ZNF573: variants seen among roughly 807,000 people sequenced by gnomAD.
The protein encoded by ZNF573 is zinc finger protein 573.
ZNF573 carries 41 observed loss-of-function variants against 57.4 expected under a neutral mutation model. That is an observed-to-expected ratio of 0.71 (90% CI 0.56 to 0.93). The LOEUF is 0.93. ZNF573 is among the 40% of genes least tolerant of loss of function. The pLI is 0.00. For synonymous variants in ZNF573, 249 were observed against 261.0 expected (o/e 0.95, Z 0.44); for missense variants, 730 against 794.8 (o/e 0.92, Z 0.98).
intron 4 of ZNF573, among the ~76,000 whole-genome samples, chr19:37,767,366 C>CT (rs2045611586): frequency 6.6e-6 from 1 of 152,060 alleles, no homozygotes. Flanking sequence ...GTAGCTGGGA[C>CT]TACAGGCGCC....
At position 37,774,126 on chromosome 19, in the gene ZNF573, C is replaced by CTT. The variant is rs539456711; in HGVS notation, c.-22-377_-22-376dup. On this transcript the variant is annotated intron_variant, in intron 1 of 4. Coordinates refer to ENST00000536220, the MANE Select transcript of ZNF573 (RefSeq NM_001172690.2). ...GACTTATCGTTCAAACTAGAAGCTT[C>CTT]TTTTTTTTTTTTTTTTTTTTTTTTT... 6.2e-3 allele frequency among the ~76,000 whole-genome samples: 546 copies of CTT among 87,774 alleles called. 74 individuals carry two copies. The highest frequency in any genetic ancestry group is 0.031 in the Middle Eastern group (5 of 162). 57.6% of individuals were successfully genotyped at this position (87,774 alleles called of 152,430 possible).
At position 37,739,016 on chromosome 19, in the gene ZNF573, G is replaced by C; in HGVS notation, c.1474C>G (p.His492Asp). The change falls in exon 5 of 5, where the codon CAT becomes GAT. Residue 492 changes from histidine to aspartate, a missense_variant. Physicochemically the swap from His to Asp is moderately conservative, Grantham distance 81. Coordinates refer to ENST00000536220, the MANE Select transcript of ZNF573 (RefSeq NM_001172690.2). ...GSNLIQHRKT[H>D]TGEKPYKCKE... ...CATTTATAGGGTTTCTCACCAGTAT[G>C]AGTTTTCCGATGTTGAATAAGGTTT... 6.2e-7 allele frequency: 1 copy of C among 1,613,474 alleles called. No individual in the cohort carries two copies.
At chr19:37,771,486 A>G in intron 3 of ZNF573, 78 bp downstream of exon 3, 1 of 1,495,854 alleles carries the variant, frequency 6.7e-7, no homozygotes, top group Non-Finnish European at 9.1e-7. Flanking sequence ...GTCTTGAAAT[A>G]TGGCCTTGAA....
chr19:37,758,910 A>G (rs529274261), intron 4 of ZNF573: 1 of 222,696 alleles, frequency 4.5e-6, no homozygotes, highest in East Asian at 1.8e-4. Flanking sequence ...AAAGTACCAG[A>G]ATAATGAAGA....
chr19:37,772,412 C>A (rs571832025), intron 2 of ZNF573, among the ~76,000 whole-genome samples: 2 of 151,322 alleles, frequency 1.3e-5, no homozygotes, highest in African/African-American at 2.4e-5. Context: ...GGATTACAGG[C>A]GTGAGCCACT....
At chr19:37,761,348 G>A (rs1047146394) in intron 4 of ZNF573, among the ~76,000 whole-genome samples, 3 of 152,106 alleles carry the variant, frequency 2.0e-5, no homozygotes, top group Non-Finnish European at 4.4e-5. Flanking sequence ...AATGAAGTCC[G>A]CAAAGCATCC....
At position 37,739,421 on chromosome 19, in the gene ZNF573, G is replaced by T; in HGVS notation, c.1069C>A (p.Pro357Thr). ...TTCTTACACTCCTTACATTCATAGG[G>T]TTTTCCACCTTTATGAATTCTCTGA... Reference protein sequence around the residue: ...LHQRIHKGGKPYECKECKKTF... With the variant: ...LHQRIHKGGKTYECKECKKTF... The change falls in exon 5 of 5, where the codon CCC becomes ACC. Residue 357 changes from proline to threonine, a missense_variant. Transcript: ENST00000536220. The T allele has an allele frequency of 6.2e-7, 1 of 1,614,036 alleles. No homozygotes were observed. Among genetic ancestry groups the T allele is most frequent in the South Asian group, 1.1e-5 (1 of 91,064 alleles).
chr19:37,772,133 T>G (rs1461411958), intron 2 of ZNF573, among the ~76,000 whole-genome samples: 1 of 152,152 alleles, frequency 6.6e-6, no homozygotes, highest in Non-Finnish European at 1.5e-5. Flanking sequence ...AATTGTTTTG[T>G]GCTATTTATT....
chr19:37,760,754 G>A (rs1416399910), intron 4 of ZNF573, among the ~76,000 whole-genome samples: 7 of 151,954 alleles, frequency 4.6e-5, no homozygotes, highest in African/African-American at 1.7e-4. Context: ...CCTGGGAGGC[G>A]GAGGTTGTAG....
At chr19:37,768,144 ATTGT>A (rs2045619150) in intron 4 of ZNF573, among the ~76,000 whole-genome samples, 1 of 152,208 alleles carries the variant, frequency 6.6e-6, no homozygotes, top group East Asian at 1.9e-4. Context: ...TGGTGACATG[ATTGT>A]TTAACTTGTA....
intron 4 of ZNF573, among the ~76,000 whole-genome samples, chr19:37,744,155 G>A (rs1363433109): frequency 6.6e-6 from 1 of 151,756 alleles, no homozygotes; most frequent in South Asian, 2.1e-4. Context: ...ATGTCACACA[G>A]ATACACCAAA....
chr19:37,774,126 CTTTT>C (rs539456711), intron 1 of ZNF573, among the ~76,000 whole-genome samples: 3 of 87,780 alleles, frequency 3.4e-5, no homozygotes, highest in African/African-American at 4.9e-5. Flanking sequence ...CTAGAAGCTT[CTTTT>C]TTTTTTTTTT....
chr19:37,779,427 A>C (rs1404526204), intron 1 of ZNF573, 117 bp downstream of exon 1: 1 of 152,514 alleles, frequency 6.6e-6, no homozygotes, highest in Non-Finnish European at 1.5e-5. Context: ...TCCACGGTTA[A>C]AGGGCTTCCT....
intron 4 of ZNF573, chr19:37,759,135 C>T: frequency 1.8e-6 from 1 of 561,674 alleles, no homozygotes; most frequent in Non-Finnish European, 2.3e-6. Flanking sequence ...GTGAGACCCC[C>T]ATCTCTAATA....
At chr19:37,756,116 T>A (rs537758029) in intron 4 of ZNF573, among the ~76,000 whole-genome samples, 1 of 152,308 alleles carries the variant, frequency 6.6e-6, no homozygotes, top group African/African-American at 2.4e-5. Flanking sequence ...ATCTGCGAAG[T>A]GGGCACAGAG....
chr19:37,738,395 C>G lies in ZNF573; in HGVS notation c.*97G>C. The G allele has an allele frequency of 1.5e-6, 2 of 1,321,276 alleles. No individual in the cohort carries two copies. Among genetic ancestry groups the G allele is most frequent in the Non-Finnish European group, 9.9e-7 (1 of 1,008,622 alleles). 81.8% of individuals were successfully genotyped at this position (1,321,276 alleles called of 1,614,324 possible). A position where few individuals can be genotyped will look rare whatever the true frequency, so the allele number is the denominator to read the frequency against. On this transcript the variant is annotated 3_prime_UTR_variant, in exon 5 of 5. Transcript: ENST00000536220. ...GCAAGATCTGCATTTTGAACTCTCT[C>G]AATTGCTAAAGCCATACCTATAAGA...
intron 4 of ZNF573, among the ~76,000 whole-genome samples, chr19:37,745,275 C>T (rs1288889521): frequency 2.0e-5 from 3 of 151,992 alleles, no homozygotes; most frequent in African/African-American, 7.3e-5. Context: ...TGAGGTTTCG[C>T]CATGTTGGCC....
At chr19:37,750,780 G>A (rs561983874) in intron 4 of ZNF573, among the ~76,000 whole-genome samples, 67 of 144,644 alleles carry the variant, frequency 4.6e-4, no homozygotes, top group South Asian at 2.7e-3. Context: ...GCAGTGAGCC[G>A]AGATCACACT....
At chr19:37,777,894 G>A (rs1402198931) in intron 1 of ZNF573, among the ~76,000 whole-genome samples, 1 of 150,966 alleles carries the variant, frequency 6.6e-6, no homozygotes, top group Non-Finnish European at 1.5e-5. Context: ...GTGGTGGCGG[G>A]CGCCTGTAGT....
Sources: allele counts gnomAD v4.1 joint callset (sites outside exome capture counted in the v4.1 genomes callset), GRCh38; gene constraint gnomAD v4.1.1; transcripts MANE v1.5; gene names NCBI Gene and HGNC (gene_info 2026-07-23, HGNC 2026-07-21).